Variants in WIPF1 observed in about 807,000 individuals in gnomAD.
The protein encoded by WIPF1 is WAS/WASL interacting protein family member 1.
Under a neutral mutation model 35.4 loss-of-function variants are expected in WIPF1, and 13 were observed. The ratio of observed to expected loss-of-function variants is 0.37; its 90% CI spans 0.24 to 0.58. WIPF1 has a LOEUF of 0.58. WIPF1 is among the 20% of genes least tolerant of loss of function. The pLI is 0.74. For missense variants in WIPF1, 591 were observed against 667.0 expected (o/e 0.89, Z 1.25); for synonymous variants, 267 against 266.3 (o/e 1.00, Z -0.02).
At chr2:174,676,354 CTG>C (rs1211407268) in intron 1 of WIPF1, 4 of 106,718 alleles carry the variant, frequency 3.7e-5, no homozygotes. Flanking sequence ...GGGTCTCACT[CTG>C]TTGCCCAGGA....
upstream of WIPF1, among the ~76,000 whole-genome samples, chr2:174,599,065 T>G (rs13427312): frequency 0.27 from 41,090 of 152,152 alleles, 5,736 homozygotes; most frequent in Middle Eastern, 0.4. Flanking sequence ...TGGGTCCTGA[T>G]TCTGCTAGGA....
chr2:174,628,646 C>A (rs1314246690), intron 1 of WIPF1, among the ~76,000 whole-genome samples: 1 of 152,226 alleles, frequency 6.6e-6, no homozygotes, highest in African/African-American at 2.4e-5. Flanking sequence ...CAGATCTGGC[C>A]TCTGTAGATC....
intron 1 of WIPF1, among the ~76,000 whole-genome samples, chr2:174,671,321 C>G (rs530068072): frequency 3.3e-5 from 5 of 152,304 alleles, no homozygotes; most frequent in Admixed American, 6.5e-5. Context: ...ATTTCCTATG[C>G]CTGTCTTTAC....
At chr2:174,592,258 G>A (rs1466521700) in intron 1 of WIPF1, among the ~76,000 whole-genome samples, 2 of 152,208 alleles carry the variant, frequency 1.3e-5, no homozygotes, top group Admixed American at 6.5e-5. Context: ...GAACACAGTT[G>A]ACAATCCTCC....
intron 1 of WIPF1, among the ~76,000 whole-genome samples, chr2:174,666,253 A>G (rs1258109286): frequency 6.6e-6 from 1 of 152,234 alleles, no homozygotes; most frequent in Non-Finnish European, 1.5e-5. Flanking sequence ...TGACACAGTG[A>G]GATCTCATCT....
intron 1 of WIPF1, among the ~76,000 whole-genome samples, chr2:174,630,043 T>G (rs574227882): frequency 6.6e-6 from 1 of 152,332 alleles, no homozygotes; most frequent in South Asian, 2.1e-4. Flanking sequence ...AAGATATCAC[T>G]TAGTGACTTC....
In WIPF1 at chr2:174,567,961, G is replaced by A; in HGVS notation, c.1242C>T (p.Pro414=). 1 of 1,614,172 alleles carries A rather than the reference G, an allele frequency of 6.2e-7. No individual in the cohort carries two copies. Among genetic ancestry groups the A allele is most frequent in the South Asian group, 1.1e-5 (1 of 91,080 alleles). ...GCCTATCAGGAGGAAGGGGAGGCCT[G>A]GGTCCACTCCTGGGACTGTCTACTC... ...RSGVDSPRSG[P]RPPLPPDRPS... The change falls in exon 6 of 8, where the codon CCC becomes CCT. Residue 414 remains proline, a synonymous_variant. Transcript: ENST00000679041.
intron 1 of WIPF1, among the ~76,000 whole-genome samples, chr2:174,608,995 G>T (rs1214640194): frequency 6.6e-6 from 1 of 152,182 alleles, no homozygotes; most frequent in African/African-American, 2.4e-5. Flanking sequence ...AGGGCTCAGT[G>T]ACCTAAGACT....
At chr2:174,670,306 TC>T (rs1311051052) in intron 1 of WIPF1, among the ~76,000 whole-genome samples, 2 of 152,236 alleles carry the variant, frequency 1.3e-5, no homozygotes, top group East Asian at 3.9e-4. Flanking sequence ...TCCCTTTTCC[TC>T]TCCCTGTCTG....
At chr2:174,679,615 A>G (rs1688209839) in intron 1 of WIPF1, among the ~76,000 whole-genome samples, 1 of 152,218 alleles carries the variant, frequency 6.6e-6, no homozygotes, top group African/African-American at 2.4e-5. Context: ...CCTGGGCCTT[A>G]CCACAGACTT....
At chr2:174,675,818 T>A (rs1419757008) in intron 1 of WIPF1, among the ~76,000 whole-genome samples, 1 of 129,272 alleles carries the variant, frequency 7.7e-6, no homozygotes, top group Non-Finnish European at 1.6e-5. Flanking sequence ...GTTTCCTCTG[T>A]GTGTGGGGTG....
At chr2:174,658,519 A>G (rs1013053468) in intron 1 of WIPF1, among the ~76,000 whole-genome samples, 29 of 152,278 alleles carry the variant, frequency 1.9e-4, no homozygotes, top group Non-Finnish European at 2.8e-4. Flanking sequence ...GAAGGGAAAC[A>G]AGGCTCCTAG....
At chr2:174,647,792 A>G (rs1372858098) in intron 1 of WIPF1, among the ~76,000 whole-genome samples, 1 of 152,234 alleles carries the variant, frequency 6.6e-6, no homozygotes, top group Non-Finnish European at 1.5e-5. Flanking sequence ...GAAGGTAGGT[A>G]GAGGAAAAGG....
intron 1 of WIPF1, among the ~76,000 whole-genome samples, chr2:174,631,960 G>A (rs1186929304): frequency 1.3e-5 from 2 of 152,214 alleles, no homozygotes; most frequent in East Asian, 1.9e-4. Context: ...CTATGTTGAG[G>A]AAGAAGAGAG....
chr2:174,611,863 C>A (rs1686357633), intron 1 of WIPF1, among the ~76,000 whole-genome samples: 2 of 152,098 alleles, frequency 1.3e-5, no homozygotes, highest in African/African-American at 4.8e-5. Context: ...TGTTAAGTTT[C>A]TCCCACTTTT....
At chr2:174,563,604 G>A (rs1456234835) in intron 7 of WIPF1, among the ~76,000 whole-genome samples, 1 of 152,070 alleles carries the variant, frequency 6.6e-6, no homozygotes, top group African/African-American at 2.4e-5. Flanking sequence ...GCTATTCATG[G>A]GCTATCAGTC....
chr2:174,585,906 A>T (rs73973314), intron 1 of WIPF1, among the ~76,000 whole-genome samples: 5,349 of 152,226 alleles, frequency 0.035, 317 homozygotes, highest in African/African-American at 0.12. Flanking sequence ...GTTAAGCAGG[A>T]AGGTCTCACA....
chr2:174,625,160 G>T (rs980608083), intron 1 of WIPF1, among the ~76,000 whole-genome samples: 1 of 152,194 alleles, frequency 6.6e-6, no homozygotes, highest in East Asian at 1.9e-4. Context: ...GTGCAACTGA[G>T]GGTTGAGTGG....
At chr2:174,673,478 T>C (rs1272805312) in intron 1 of WIPF1, 1 of 152,218 alleles carries the variant, frequency 6.6e-6, no homozygotes, top group Non-Finnish European at 1.5e-5. Flanking sequence ...GGGTTCTGCA[T>C]AAGGACACAT....
Sources: gnomAD v4.1 joint callset for allele counts (sites outside exome capture counted in the v4.1 genomes callset) on GRCh38, gnomAD v4.1.1 for gene constraint, MANE v1.5 for transcripts, NCBI Gene and HGNC (gene_info 2026-07-23, HGNC 2026-07-21) for gene names.